ZNF385D: variants seen among roughly 807,000 people sequenced by gnomAD.
ZNF385D encodes zinc finger protein 659.
A neutral mutation model predicts 35.8 loss-of-function variants in ZNF385D; 15 were observed. The observed-to-expected ratio is 0.42, with a 90% CI of 0.28 to 0.64. The LOEUF (loss-of-function observed/expected upper bound fraction) is 0.64, where lower values mean the gene tolerates loss of function less well. Among genes scored for constraint, ZNF385D ranks in the 30% least tolerant of loss-of-function variants. The pLI is 0.23. For missense variants in ZNF385D, 474 were observed against 494.6 expected (o/e 0.96, Z 0.39); for synonymous variants, 212 against 186.8 (o/e 1.13, Z -1.10).
chr3:22,184,348 T>C (rs1329354355), intron 2 of ZNF385D, among the ~76,000 whole-genome samples: 1 of 151,414 alleles, frequency 6.6e-6, no homozygotes, highest in South Asian at 2.1e-4. Flanking sequence ...TTAAAAATTT[T>C]TGTTTGCTTT....
chr3:21,504,348 T>G (rs570592957), intron 4 of ZNF385D, among the ~76,000 whole-genome samples: 2 of 152,092 alleles, frequency 1.3e-5, no homozygotes, highest in South Asian at 4.1e-4. Flanking sequence ...ATGAGCAATA[T>G]CACAGAATCC....
At chr3:22,009,080 C>T (rs141352792) in intron 3 of ZNF385D, among the ~76,000 whole-genome samples, 5 of 152,290 alleles carry the variant, frequency 3.3e-5, no homozygotes, top group African/African-American at 1.2e-4. Flanking sequence ...TAAGGGCCAG[C>T]TTGGTCAAAC....
At chr3:21,600,173 A>G (rs751867351) in intron 2 of ZNF385D, among the ~76,000 whole-genome samples, 38 of 152,178 alleles carry the variant, frequency 2.5e-4, no homozygotes, top group Admixed American at 1.4e-3. Flanking sequence ...TAATAAAGAA[A>G]TAACCATAAA....
intron 3 of ZNF385D, among the ~76,000 whole-genome samples, chr3:21,965,600 G>C (rs1435609695): frequency 6.6e-6 from 1 of 152,126 alleles, no homozygotes; most frequent in Non-Finnish European, 1.5e-5. Context: ...ACTAAATGCA[G>C]TATATGAGTC....
At chr3:21,577,912 C>T (rs145364489) in intron 2 of ZNF385D, among the ~76,000 whole-genome samples, 39 of 151,364 alleles carry the variant, frequency 2.6e-4, no homozygotes, top group African/African-American at 7.5e-4. Context: ...TGGGCTTAAG[C>T]GATCCTCCTA....
At chr3:21,741,323 GA>G (rs973363856) in intron 1 of ZNF385D, among the ~76,000 whole-genome samples, 27 of 152,212 alleles carry the variant, frequency 1.8e-4, no homozygotes, top group African/African-American at 1.4e-4. Context: ...TCTTTTAAAG[GA>G]AAAAAATTAA....
At position 22,111,677 on chromosome 3, in the gene ZNF385D, G is replaced by A. The variant is rs183899228; in HGVS notation, c.325+57140C>T. Among the ~76,000 whole-genome samples, 10 of 152,188 alleles carry A rather than the reference G, an allele frequency of 6.6e-5. No homozygotes were observed. In the South Asian group the frequency reaches 8.3e-4, roughly 13 times the overall value. ...TTGTTGTTAGACTTACGCTGTCTTC[G>A]TAGATGGCAGGCTTAAATCATAAAA... On this transcript the variant is annotated intron_variant, in intron 3 of 5. Transcript: ENST00000494108.
chr3:21,994,972 T>C (rs1275867696), intron 3 of ZNF385D, among the ~76,000 whole-genome samples: 1 of 152,242 alleles, frequency 6.6e-6, no homozygotes, highest in African/African-American at 2.4e-5. Context: ...TCAGATGGCA[T>C]ACATGTGCAG....
At position 21,416,879 on chromosome 3, in the gene ZNF385D, ATTG is replaced by A. The variant is rs1700571057; in HGVS notation, c.*4332_*4334del. The A allele has an allele frequency of 6.6e-6, 1 of 152,074 alleles. No homozygotes were observed. The highest frequency in any genetic ancestry group is 1.5e-5 in the Non-Finnish European group (1 of 67,992). The allele number at this position is 152,074 out of a possible 1,614,324, so 9.4% of individuals were successfully genotyped here. A position where few individuals can be genotyped will look rare whatever the true frequency, so the allele number is the denominator to read the frequency against. ...AAAGAAATAAGGATGATGCATTTAA[ATTG>A]TTGTTCCCTTCCACACCCCCACTGC... is the stretch of plus-strand genomic sequence containing the variant. On this transcript the variant is annotated 3_prime_UTR_variant, in exon 8 of 8. Transcript: ENST00000281523.
chr3:22,321,936 T>C (rs886951607), intron 2 of ZNF385D, among the ~76,000 whole-genome samples: 1 of 152,148 alleles, frequency 6.6e-6, no homozygotes, highest in Non-Finnish European at 1.5e-5. Context: ...TACCTATTTA[T>C]ACTGCTATTG....
chr3:22,146,685 T>C (rs957513128), intron 3 of ZNF385D, among the ~76,000 whole-genome samples: 2 of 152,190 alleles, frequency 1.3e-5, no homozygotes, highest in African/African-American at 4.8e-5. Context: ...ATAACACTTA[T>C]GATTTTACCT....
rs906768730 is a variant in ZNF385D at position 21,465,081 on chromosome 3, C to T, written c.440-27878G>A. Among the ~76,000 whole-genome samples the T allele has an allele frequency of 1.3e-5, 2 of 152,170 alleles. No individual in the cohort carries two copies. The highest frequency in any genetic ancestry group is 2.4e-5 in the African/African-American group (1 of 41,442). On this transcript the variant is annotated intron_variant, in intron 4 of 7. Transcript: ENST00000281523. The surrounding 1 kb of genome is among the most constrained non-coding windows in gnomAD (Gnocchi z 4.2). ...AAAGATTTCATATCCAGGTACTTTA[C>T]ATCTTGTTTTCAACAGATTTCCAAA...
chr3:22,003,885 A>G (rs942027269), intron 3 of ZNF385D, among the ~76,000 whole-genome samples: 1 of 151,898 alleles, frequency 6.6e-6, no homozygotes, highest in Admixed American at 6.5e-5. Context: ...AAAAAAAAGA[A>G]AGAAAAAAAA....
At chr3:21,873,851 T>C (rs1697823173) in intron 3 of ZNF385D, among the ~76,000 whole-genome samples, 2 of 152,152 alleles carry the variant, frequency 1.3e-5, no homozygotes, top group Non-Finnish European at 2.9e-5. Flanking sequence ...TCATTGTATG[T>C]GTATACCAGA....
In ZNF385D at chr3:22,008,406, G is replaced by A. The variant is rs1216406813; in HGVS notation, c.325+160411C>T. 4.5e-5 allele frequency among the ~76,000 whole-genome samples: 6 copies of A among 134,548 alleles called. No homozygotes were observed. The East Asian group carries it at 1.2e-3, about 28-fold the overall frequency. The allele number at this position is 134,548 out of a possible 152,430, so 88.3% of individuals were successfully genotyped here. On this transcript the variant is annotated intron_variant, in intron 3 of 5. Transcript: ENST00000494108. The stretch of plus-strand genomic sequence containing the variant: ...GTCTCGCTGTTGCCCAGGTTGGAGT[G>A]CAGTGGCCCGATCTCGGCTCACTGC...
intron 1 of ZNF385D, among the ~76,000 whole-genome samples, chr3:21,717,079 G>C (rs1219886110): frequency 6.6e-6 from 1 of 152,168 alleles, no homozygotes; most frequent in African/African-American, 2.4e-5. Context: ...GTTGCAGAGA[G>C]CCAAGATTGC....
intron 3 of ZNF385D, among the ~76,000 whole-genome samples, chr3:21,564,160 C>T (rs1575192035): frequency 1.3e-5 from 2 of 151,906 alleles, no homozygotes; most frequent in South Asian, 4.1e-4. Flanking sequence ...GCCTCCATTC[C>T]AGGCAAAAAA....
intron 3 of ZNF385D, among the ~76,000 whole-genome samples, chr3:21,923,517 A>G (rs1700579787): frequency 6.6e-6 from 1 of 152,156 alleles, no homozygotes; most frequent in Admixed American, 6.5e-5. Context: ...ATATAGAATC[A>G]AAAGAAAACA....
chr3:21,774,023 T>C (rs1246601426), intron 3 of ZNF385D, among the ~76,000 whole-genome samples: 2 of 152,012 alleles, frequency 1.3e-5, no homozygotes, highest in African/African-American at 4.8e-5. Flanking sequence ...TCAACCCAAA[T>C]GCCCATCAAT....
Sources: gnomAD v4.1 joint callset for allele counts (sites outside exome capture counted in the v4.1 genomes callset) on GRCh38, gnomAD v4.1.1 for gene constraint, Gnocchi (gnomAD v3.1) non-coding constraint, MANE v1.5 for transcripts, NCBI Gene and HGNC (gene_info 2026-07-23, HGNC 2026-07-21) for gene names.